Variants in MAF observed in about 807,000 individuals in gnomAD.
The protein encoded by MAF is transcription factor Maf.
Under a neutral mutation model 22.0 loss-of-function variants are expected in MAF, and 10 were observed. The observed-to-expected ratio is 0.45, with a 90% CI of 0.28 to 0.77. MAF has a LOEUF of 0.77. Ranked by LOEUF, MAF falls within the 30% of genes least tolerant of loss-of-function variation. The pLI, the probability that MAF is intolerant of heterozygous loss-of-function variation, is 0.12. For missense variants in MAF, 544 were observed against 548.4 expected (o/e 0.99, Z 0.08); for synonymous variants, 337 against 255.8 (o/e 1.32, Z -3.03).
the MAF span, among the ~76,000 whole-genome samples, chr16:79,369,358 T>C: frequency 6.6e-6 from 1 of 152,202 alleles, no homozygotes; most frequent in Non-Finnish European, 1.5e-5. Flanking sequence ...GGGAGTCAGC[T>C]TCAAGCCTGT....
the MAF span, among the ~76,000 whole-genome samples, chr16:79,235,001 A>C: frequency 6.6e-6 from 1 of 152,298 alleles, no homozygotes; most frequent in East Asian, 1.9e-4. Context: ...CACATCCAGT[A>C]GCCACGGACT....
the MAF span, among the ~76,000 whole-genome samples, chr16:79,389,614 AT>A: frequency 1.3e-5 from 2 of 151,844 alleles, no homozygotes; most frequent in Non-Finnish European, 2.9e-5. Flanking sequence ...TAAATAAAAC[AT>A]TTTTCTTTTT....
At chr16:79,480,221 C>T in the MAF span, among the ~76,000 whole-genome samples, 2 of 152,126 alleles carry the variant, frequency 1.3e-5, no homozygotes, top group Non-Finnish European at 2.9e-5. Flanking sequence ...ACCCATGGCA[C>T]ACGGAAAGGA....
chr16:79,530,071 T>C, the MAF span, among the ~76,000 whole-genome samples: 6 of 152,202 alleles, frequency 3.9e-5, no homozygotes, highest in African/African-American at 1.4e-4. Flanking sequence ...AGAACAAATA[T>C]AAGATCTCCC....
the MAF span, among the ~76,000 whole-genome samples, chr16:79,266,826 G>C: frequency 6.6e-6 from 1 of 152,182 alleles, no homozygotes; most frequent in East Asian, 1.9e-4. Flanking sequence ...TGCCTGCCTT[G>C]TTAGAAAAAG....
At chr16:79,542,152 T>G in the MAF span, among the ~76,000 whole-genome samples, 1 of 152,180 alleles carries the variant, frequency 6.6e-6, no homozygotes, top group Admixed American at 6.5e-5. Flanking sequence ...CCATCCTTGC[T>G]GGGACACGGG....
the MAF span, among the ~76,000 whole-genome samples, chr16:79,412,289 G>A: frequency 9.9e-5 from 15 of 152,146 alleles, no homozygotes; most frequent in African/African-American, 2.9e-4. Flanking sequence ...ACCCTAGAGG[G>A]TATGATTACC....
the MAF span, among the ~76,000 whole-genome samples, chr16:79,480,259 G>A: frequency 3.9e-5 from 6 of 152,042 alleles, no homozygotes; most frequent in Admixed American, 2.0e-4. Flanking sequence ...TTAGTAACAC[G>A]TTGTCGGTTT....
the MAF span, among the ~76,000 whole-genome samples, chr16:79,453,347 A>G: frequency 6.6e-6 from 1 of 152,230 alleles, no homozygotes; most frequent in East Asian, 1.9e-4. Context: ...ATGCAACCTA[A>G]GATGGCATCC....
At chr16:79,598,469 AAAC>A in intron 1 of MAF, 1 of 1,304,686 alleles carries the variant, frequency 7.7e-7, no homozygotes, top group South Asian at 1.6e-5. Context: ...AAAAAAAAAA[AAAC>A]AAGCTAGCAA....
the MAF span, among the ~76,000 whole-genome samples, chr16:79,486,511 G>C: frequency 6.6e-6 from 1 of 152,112 alleles, no homozygotes; most frequent in African/African-American, 2.4e-5. Flanking sequence ...CCTGATTTCA[G>C]TACCTAGGTT....
At chr16:79,525,613 C>T in the MAF span, among the ~76,000 whole-genome samples, 81 of 152,206 alleles carry the variant, frequency 5.3e-4, no homozygotes, top group Admixed American at 5.9e-4. Flanking sequence ...ATGTACGCTG[C>T]GTACTTTTTA....
chr16:79,299,703 C>T, the MAF span, among the ~76,000 whole-genome samples: 11 of 152,246 alleles, frequency 7.2e-5, no homozygotes, highest in Admixed American at 6.5e-4. Context: ...CCAGAGGCAC[C>T]TTGATCTTGA....
At chr16:79,489,142 T>C in the MAF span, among the ~76,000 whole-genome samples, 106,617 of 152,056 alleles carry the variant, frequency 0.7, 39,645 homozygotes, top group East Asian at 0.87. Context: ...CACTCATCCA[T>C]CCATCCACCC....
At chr16:79,468,330 TG>T in the MAF span, among the ~76,000 whole-genome samples, 31 of 152,188 alleles carry the variant, frequency 2.0e-4, no homozygotes, top group African/African-American at 7.5e-4. Flanking sequence ...ACTGGGGGGA[TG>T]CCCCTGCCTG....
At chr16:79,420,780 A>G in the MAF span, among the ~76,000 whole-genome samples, 3 of 152,228 alleles carry the variant, frequency 2.0e-5, no homozygotes, top group Non-Finnish European at 4.4e-5. Flanking sequence ...CTGTAATCCT[A>G]GCACTTTTGG....
At chr16:79,507,163 G>A in the MAF span, among the ~76,000 whole-genome samples, 3 of 149,032 alleles carry the variant, frequency 2.0e-5, no homozygotes, top group Admixed American at 6.7e-5. Context: ...GCCCAGGCTG[G>A]AGTGCAGGGG....
chr16:79,486,670 T>C, the MAF span, among the ~76,000 whole-genome samples: 1 of 152,224 alleles, frequency 6.6e-6, no homozygotes, highest in African/African-American at 2.4e-5. Flanking sequence ...TAATTAATAA[T>C]TGGCTTTATG....
the MAF span, among the ~76,000 whole-genome samples, chr16:79,453,687 G>C: frequency 6.6e-6 from 1 of 152,186 alleles, no homozygotes; most frequent in African/African-American, 2.4e-5. Flanking sequence ...GGATAGGTCG[G>C]TCACAAGTGA....
Sources: allele counts gnomAD v4.1 joint callset (sites outside exome capture counted in the v4.1 genomes callset), GRCh38; gene constraint gnomAD v4.1.1; transcripts MANE v1.5; gene names NCBI Gene and HGNC (gene_info 2026-07-23, HGNC 2026-07-21).